STX12: variants seen among roughly 807,000 people sequenced by gnomAD.
STX12 encodes the protein syntaxin-12.
STX12 carries 17 observed loss-of-function variants against 42.2 expected under a neutral mutation model. The ratio of observed to expected loss-of-function variants is 0.40; its 90% CI spans 0.28 to 0.60. STX12 has a LOEUF of 0.60. Among genes scored for constraint, STX12 ranks in the 20% least tolerant of loss-of-function variants. The pLI, the probability that STX12 is intolerant of heterozygous loss-of-function variation, is 0.39. For missense variants in STX12, 297 were observed against 330.9 expected (o/e 0.90, Z 0.79); for synonymous variants, 108 against 116.7 (o/e 0.93, Z 0.48).
intron 1 of STX12, among the ~76,000 whole-genome samples, chr1:27,781,885 A>G (rs373274066): frequency 1.3e-5 from 2 of 152,178 alleles, no homozygotes; most frequent in African/African-American, 4.8e-5. Context: ...TGAGTTTGAT[A>G]ATAATAGCTA....
At chr1:27,788,965 C>T (rs1050067743) in intron 1 of STX12, among the ~76,000 whole-genome samples, 1 of 151,692 alleles carries the variant, frequency 6.6e-6, no homozygotes, top group Non-Finnish European at 1.5e-5. Flanking sequence ...GAGCTGAGAT[C>T]GTGCCACTGC....
chr1:27,787,141 A>G (rs968196257), intron 1 of STX12, among the ~76,000 whole-genome samples: 5 of 152,200 alleles, frequency 3.3e-5, no homozygotes, highest in South Asian at 2.1e-4. Context: ...TTAGGAAAAT[A>G]TGGTCTCAAA....
At chr1:27,818,385 A>AG (rs527875198) in intron 7 of STX12, among the ~76,000 whole-genome samples, 2 of 103,560 alleles carry the variant, frequency 1.9e-5, no homozygotes, top group Non-Finnish European at 3.3e-5. Context: ...CGTCTCAATT[A>AG]AAAAAAAAAA....
intron 4 of STX12, 144 bp downstream of exon 4, chr1:27,801,959 A>G (rs2088830900): frequency 3.6e-6 from 3 of 831,200 alleles, no homozygotes; most frequent in Admixed American, 3.5e-5. Flanking sequence ...TATGTAAAAA[A>G]CATATATGCA....
At chr1:27,777,039 CAA>C (rs1388694637) in intron 1 of STX12, among the ~76,000 whole-genome samples, 1 of 152,136 alleles carries the variant, frequency 6.6e-6, no homozygotes, top group African/African-American at 2.4e-5. Context: ...TGAAGCAGAA[CAA>C]GAGATAAAAT....
At chr1:27,799,477 G>GTTTTTTTTTTTTTTTTTTTTTTT (rs200472226) in intron 3 of STX12, among the ~76,000 whole-genome samples, 10 of 130,710 alleles carry the variant, frequency 7.7e-5, no homozygotes, top group African/African-American at 2.6e-4. Flanking sequence ...TCATTAGCTT[G>GTTTTTTTTTTTTTTTTTTTTTTT]TTTTTTTTTT....
chr1:27,792,285 TAG>T (rs2088753397), intron 2 of STX12, among the ~76,000 whole-genome samples: 2 of 133,216 alleles, frequency 1.5e-5, no homozygotes, highest in African/African-American at 5.9e-5. Context: ...TATATATATG[TAG>T]ATACATATAT....
intron 3 of STX12, among the ~76,000 whole-genome samples, chr1:27,800,845 A>C (rs2088823205): frequency 6.6e-6 from 1 of 152,156 alleles, no homozygotes. Flanking sequence ...GAGACATAGA[A>C]GTAACAAGCT....
At chr1:27,817,147 G>A (rs935202052) in intron 6 of STX12, among the ~76,000 whole-genome samples, 1 of 152,114 alleles carries the variant, frequency 6.6e-6, no homozygotes, top group Non-Finnish European at 1.5e-5. Context: ...CCCAAATATA[G>A]GGGATTTTGC....
At chr1:27,803,977 G>A (rs1023025110) in intron 4 of STX12, among the ~76,000 whole-genome samples, 3 of 151,734 alleles carry the variant, frequency 2.0e-5, no homozygotes, top group African/African-American at 7.3e-5. Flanking sequence ...CTCCAGCCTG[G>A]GCGACACAAC....
rs565671974 is a variant in STX12, at chr1:27,815,437, C to T, written c.577-2414C>T. On this transcript the variant is annotated intron_variant, in intron 6 of 8. Transcript: ENST00000373943. Reference sequence around the variant, plus strand: ...GTTATTTGCTCTTTAACTGAGTTGCCTTTCTGTTCATATGACCTCTCCTTT... The same window carrying T: ...GTTATTTGCTCTTTAACTGAGTTGCTTTTCTGTTCATATGACCTCTCCTTT... Among the ~76,000 whole-genome samples, 154 of 152,304 alleles carry T rather than the reference C, an allele frequency of 1.0e-3. 1 individual carries two copies. The highest frequency in any genetic ancestry group is 1.9e-3 in the Non-Finnish European group (130 of 68,022).
intron 4 of STX12, among the ~76,000 whole-genome samples, chr1:27,809,577 C>T (rs1436043530): frequency 6.6e-6 from 1 of 150,858 alleles, no homozygotes; most frequent in Non-Finnish European, 1.5e-5. Context: ...CTACCTTAGC[C>T]TCCTGAGTAG....
chr1:27,787,904 T>C (rs2088710112), intron 1 of STX12, among the ~76,000 whole-genome samples: 1 of 152,166 alleles, frequency 6.6e-6, no homozygotes, highest in South Asian at 2.1e-4. Flanking sequence ...CATGGGAGCA[T>C]TATATGTATA....
intron 1 of STX12, among the ~76,000 whole-genome samples, chr1:27,782,771 G>A (rs2088677108): frequency 6.6e-6 from 1 of 152,212 alleles, no homozygotes; most frequent in African/African-American, 2.4e-5. Flanking sequence ...AGGAGGTGGA[G>A]GTTGCAGTGA....
At chr1:27,817,449 G>A (rs1339262557) in intron 6 of STX12, among the ~76,000 whole-genome samples, 1 of 152,176 alleles carries the variant, frequency 6.6e-6, no homozygotes, top group Non-Finnish European at 1.5e-5. Flanking sequence ...GCATGATCTT[G>A]TATAAACATT....
chr1:27,813,327 CA>C (rs953508176), intron 6 of STX12, among the ~76,000 whole-genome samples: 2 of 152,134 alleles, frequency 1.3e-5, no homozygotes, highest in African/African-American at 4.8e-5. Flanking sequence ...CAGTACGCAC[CA>C]CCACACTCGG....
At chr1:27,788,717 G>A (rs754519328) in intron 1 of STX12, among the ~76,000 whole-genome samples, 55 of 152,192 alleles carry the variant, frequency 3.6e-4, no homozygotes, top group African/African-American at 1.2e-3. Context: ...CAAAATGGAA[G>A]TATATCTACT....
At chr1:27,803,731 T>C (rs1019224391) in intron 4 of STX12, among the ~76,000 whole-genome samples, 9 of 152,272 alleles carry the variant, frequency 5.9e-5, no homozygotes, top group Admixed American at 2.0e-4. Flanking sequence ...CGGCCAGGCG[T>C]GGTGGCTCAC....
intron 7 of STX12, among the ~76,000 whole-genome samples, chr1:27,818,855 C>T (rs1452224159): frequency 1.3e-5 from 2 of 152,022 alleles, no homozygotes; most frequent in South Asian, 2.1e-4. Context: ...CTTGAACTCT[C>T]GACCTCAGGT....
Sources: allele counts gnomAD v4.1 joint callset (sites outside exome capture counted in the v4.1 genomes callset), GRCh38; gene constraint gnomAD v4.1.1; transcripts MANE v1.5; gene names NCBI Gene and HGNC (gene_info 2026-07-23, HGNC 2026-07-21).